GTF2F2: variants seen among roughly 807,000 people sequenced by gnomAD.
GTF2F2 encodes the protein ATP-dependent helicase GTF2F2.
A neutral mutation model predicts 42.2 loss-of-function variants in GTF2F2; 23 were observed. The observed-to-expected ratio is 0.55, with a 90% CI of 0.39 to 0.77. GTF2F2 has a LOEUF of 0.77. Among genes scored for constraint, GTF2F2 ranks in the 30% least tolerant of loss-of-function variants. The probability of loss-of-function intolerance (pLI) is 0.00; values close to 1 mark genes in which losing one functional copy is unlikely to be tolerated. For synonymous variants in GTF2F2, 105 were observed against 100.8 expected (o/e 1.04, Z -0.25); for missense variants, 261 against 287.2 (o/e 0.91, Z 0.66).
intron 6 of GTF2F2, among the ~76,000 whole-genome samples, chr13:45,261,823 G>C (rs900933044): frequency 2.6e-5 from 4 of 152,176 alleles, no homozygotes; most frequent in African/African-American, 9.7e-5. Flanking sequence ...ATCATTGGTA[G>C]TTTATTTGTA....
At chr13:45,231,726 C>G (rs1476023191) in intron 5 of GTF2F2, among the ~76,000 whole-genome samples, 1 of 152,152 alleles carries the variant, frequency 6.6e-6, no homozygotes, top group East Asian at 1.9e-4. Context: ...AAGAAAACTT[C>G]TTAATTTTCA....
intron 4 of GTF2F2, among the ~76,000 whole-genome samples, chr13:45,160,458 C>G (rs903881600): frequency 6.6e-6 from 1 of 152,182 alleles, no homozygotes; most frequent in Non-Finnish European, 1.5e-5. Flanking sequence ...TTTCTACTCT[C>G]TTACATTAAA....
chr13:45,124,028 A>T, intron 1 of GTF2F2: 1 of 1,134,406 alleles, frequency 8.8e-7, no homozygotes, highest in Non-Finnish European at 1.3e-6. Context: ...CTTAGAGGCC[A>T]TGTGGGCCAT....
At chr13:45,129,541 C>T (rs553754985) in intron 1 of GTF2F2, among the ~76,000 whole-genome samples, 1 of 152,226 alleles carries the variant, frequency 6.6e-6, no homozygotes, top group Non-Finnish European at 1.5e-5. Flanking sequence ...GATCTCTGAA[C>T]TGAGACTTCC....
intron 4 of GTF2F2, among the ~76,000 whole-genome samples, chr13:45,187,270 G>A (rs185047909): frequency 0.012 from 1,815 of 152,144 alleles, 29 homozygotes; most frequent in African/African-American, 0.037. Flanking sequence ...AAATTTAAAA[G>A]GGGTATGTTT....
intron 6 of GTF2F2, among the ~76,000 whole-genome samples, chr13:45,258,965 C>T (rs1370863395): frequency 1.3e-5 from 2 of 152,172 alleles, no homozygotes; most frequent in East Asian, 1.9e-4. Flanking sequence ...TTGTGAACAT[C>T]GTATCTAGCC....
intron 4 of GTF2F2, among the ~76,000 whole-genome samples, chr13:45,196,406 AT>A (rs1872893247): frequency 6.6e-6 from 1 of 152,146 alleles, no homozygotes; most frequent in South Asian, 2.1e-4. Context: ...GTTTGTCTTG[AT>A]TTTGCTTTTT....
At chr13:45,260,617 T>G (rs1330421373) in intron 6 of GTF2F2, among the ~76,000 whole-genome samples, 1 of 152,220 alleles carries the variant, frequency 6.6e-6, no homozygotes, top group Admixed American at 6.5e-5. Flanking sequence ...AAATTTTAAT[T>G]GGTAGTGGGT....
In GTF2F2 at chr13:45,155,537, A is replaced by G. The variant is rs112088250; in HGVS notation, c.304+3706A>G. Among the ~76,000 whole-genome samples, 330 of 152,342 alleles carry G rather than the reference A, an allele frequency of 2.2e-3. 3 individuals are homozygous for G. The highest frequency in any genetic ancestry group is 7.6e-3 in the African/African-American group (315 of 41,578). ...TTTTCCTAATGATTGAATTTGGCAC[A>G]CTGGGTATCTTTTAGGGAGAGCGAA... On this transcript the variant is annotated intron_variant, in intron 4 of 7. Coordinates refer to ENST00000340473, the MANE Select transcript of GTF2F2 (RefSeq NM_004128.3).
In GTF2F2 at chr13:45,145,786, C is replaced by T. The variant is rs541420072; in HGVS notation, c.141-3984C>T. 7.2e-5 allele frequency among the ~76,000 whole-genome samples: 11 copies of T among 152,294 alleles called. 1 individual carries two copies. In the South Asian group the frequency reaches 2.3e-3, roughly 32 times the overall value. On this transcript the variant is annotated intron_variant, in intron 2 of 7. Transcript: ENST00000340473. ...AAATACCCTATTCACCCTGCTTGGG[C>T]TGTAGCTCCCCTCAGTGTGCTGCCA...
At chr13:45,194,139 C>T (rs776899557) in intron 4 of GTF2F2, 1 of 1,614,100 alleles carries the variant, frequency 6.2e-7, no homozygotes. Flanking sequence ...CTGTTATTTC[C>T]AAGAAAGTAG....
intron 5 of GTF2F2, among the ~76,000 whole-genome samples, chr13:45,210,379 C>G (rs1035959892): frequency 6.6e-6 from 1 of 152,166 alleles, no homozygotes; most frequent in Admixed American, 6.5e-5. Context: ...AACAGCCTTT[C>G]TCCAGATAAA....
chr13:45,212,447 G>GTTTCTTTCTTTCTTTTCTT (rs1555269186), intron 5 of GTF2F2, among the ~76,000 whole-genome samples: 2 of 45,678 alleles, frequency 4.4e-5, no homozygotes, highest in Admixed American at 4.7e-4. Context: ...TTTCTTTCTT[G>GTTTCTTTCTTTCTTTTCTT]TTTCTTTCTT....
chr13:45,274,323 C>CTTTTTTT lies in GTF2F2; in HGVS notation c.630+6962_630+6968dup, dbSNP rs367793010. Among the ~76,000 whole-genome samples, 23 of 102,428 alleles carry CTTTTTTT rather than the reference C, an allele frequency of 2.2e-4. 1 individual carries two copies. The highest frequency in any genetic ancestry group is 2.8e-4 in the Non-Finnish European group (15 of 53,940). The allele number at this position is 102,428 out of a possible 152,430, so 67.2% of individuals were successfully genotyped here. ...CCTTTTATTTTTAGTACAAATTATACTTTTTTTTTTTTTTTTTTTTTGAGA... is the reference window on the plus strand; with the variant it reads ...CCTTTTATTTTTAGTACAAATTATACTTTTTTTTTTTTTTTTTTTTTTTTTTTTGAGA... On this transcript the variant is annotated intron_variant, in intron 7 of 7. Transcript: ENST00000340473.
At position 45,283,762 on chromosome 13, in the gene GTF2F2, A is replaced by G. The variant is rs538715006; in HGVS notation, c.*201A>G. The G allele has an allele frequency of 2.7e-4, 84 of 307,546 alleles. No individual in the cohort carries two copies. Among genetic ancestry groups the G allele is most frequent in the Non-Finnish European group, 4.5e-4 (75 of 166,678 alleles). The allele number at this position is 307,546 out of a possible 1,614,324, so 19.1% of individuals were successfully genotyped here. On this transcript the variant is annotated 3_prime_UTR_variant, in exon 8 of 8. Coordinates refer to ENST00000340473, the MANE Select transcript of GTF2F2 (RefSeq NM_004128.3). ...GAGGAGAAAGAACAGATTTATTTAT[A>G]GACTTAACTTGTATTAAACCAGATT... is the stretch of plus-strand genomic sequence containing the variant.
chr13:45,175,941 G>A (rs1318036588), intron 4 of GTF2F2, among the ~76,000 whole-genome samples: 1 of 152,046 alleles, frequency 6.6e-6, no homozygotes, highest in Admixed American at 6.6e-5. Context: ...AAATTCTATC[G>A]GGTAACATTT....
At chr13:45,124,811 G>T (rs998096535) in intron 1 of GTF2F2, among the ~76,000 whole-genome samples, 1 of 152,028 alleles carries the variant, frequency 6.6e-6, no homozygotes, top group African/African-American at 2.4e-5. Context: ...TGATCTGCCT[G>T]CCTTGGCCTC....
chr13:45,194,496 A>C (rs778251048), intron 4 of GTF2F2: 1 of 1,614,116 alleles, frequency 6.2e-7, no homozygotes, highest in East Asian at 2.2e-5. Flanking sequence ...TTCCTTGATC[A>C]GTATCTTCCA....
chr13:45,177,185 CT>C (rs111394769), intron 4 of GTF2F2, among the ~76,000 whole-genome samples: 4,349 of 152,026 alleles, frequency 0.029, 190 homozygotes, highest in African/African-American at 0.093. Flanking sequence ...TAAAGACCAT[CT>C]TTTTCTCACT....
Sources: allele counts gnomAD v4.1 joint callset (sites outside exome capture counted in the v4.1 genomes callset), GRCh38; gene constraint gnomAD v4.1.1; transcripts MANE v1.5; gene names NCBI Gene and HGNC (gene_info 2026-07-23, HGNC 2026-07-21).